Variants in COL2A1 observed in about 807,000 individuals in gnomAD.
COL2A1 encodes collagen type II alpha 1 chain.
Under a neutral mutation model 204.5 loss-of-function variants are expected in COL2A1, and 28 were observed. The observed-to-expected ratio is 0.14, with a 90% CI of 0.10 to 0.19. The LOEUF (loss-of-function observed/expected upper bound fraction) is 0.19. Among genes scored for constraint, COL2A1 ranks in the 10% least tolerant of loss-of-function variants. The probability of loss-of-function intolerance (pLI) is 1.00; values close to 1 mark genes in which losing one functional copy is unlikely to be tolerated. For synonymous variants in COL2A1, 708 were observed against 718.7 expected (o/e 0.99, Z 0.24); for missense variants, 1,388 against 2,027.5 (o/e 0.68, Z 6.06).
Position 47,987,621 on chromosome 12 carries a change from G to A in COL2A1, c.1211C>T (p.Ala404Val). ...EPGTPGSPGPAGASGNPGTDG... is the reference protein window; with the variant it reads ...EPGTPGSPGPVGASGNPGTDG... ...AGAAGCTGCACTTACGGAGGCACCAGCAGGCCCAGGGGACCCAGGAGTACC... is the reference window on the plus strand; with the variant it reads ...AGAAGCTGCACTTACGGAGGCACCAACAGGCCCAGGGGACCCAGGAGTACC... Residue 404 changes from alanine (A) to valine (V), a missense_variant, in exon 19 of 54, where the codon GCT becomes GTT. This residue lies in a region of COL2A1 where 884 missense variants were observed against 1,415.8 expected (regional missense o/e 0.62). Coordinates refer to ENST00000380518, the MANE Select transcript of COL2A1 (RefSeq NM_001844.5). The surrounding 1 kb of genome is among the most constrained non-coding windows in gnomAD (Gnocchi z 4.1). 3.1e-6 allele frequency: 5 copies of A among 1,612,442 alleles called. No individual in the cohort carries two copies. The highest frequency in any genetic ancestry group is 4.2e-6 in the Non-Finnish European group (5 of 1,179,300).
intron 6 of COL2A1, 52 bp from the exon 7 acceptor site, chr12:47,997,759 C>T: frequency 6.2e-7 from 1 of 1,612,138 alleles, no homozygotes; most frequent in South Asian, 1.1e-5. Flanking sequence ...TCTCCAAGAG[C>T]CATCTGTCCC....
intron 16 of COL2A1, 137 bp downstream of exon 16, chr12:47,992,741 G>T (rs1813220541): frequency 3.3e-6 from 3 of 896,716 alleles, no homozygotes; most frequent in Non-Finnish European, 3.6e-6. Context: ...GTTTTGATGG[G>T]CACACTGGGG....
chr12:48,002,156 GC>G (rs1314266446), intron 1 of COL2A1, among the ~76,000 whole-genome samples: 1 of 152,188 alleles, frequency 6.6e-6, no homozygotes, highest in Non-Finnish European at 1.5e-5. Flanking sequence ...CAGCGTTTCA[GC>G]CCCATCTGGA....
chr12:47,973,367 T>C lies in COL2A1; in HGVS notation c.*40A>G. On this transcript the variant is annotated 3_prime_UTR_variant, in exon 54 of 54. Transcript: ENST00000380518. ...GAGATTGGAAAGTACTTGGGTCCTT[T>C]GGGTTTGCAACGGATTGTGTTGTTT... is the stretch of plus-strand genomic sequence containing the variant. 1 of 1,614,126 alleles carries C rather than the reference T, an allele frequency of 6.2e-7. No individual in the cohort carries two copies.
chr12:47,982,550 C>T lies in COL2A1; in HGVS notation c.2253G>A (p.Met751Ile), dbSNP rs978448963. 3 of 1,613,922 alleles carry T rather than the reference C, an allele frequency of 1.9e-6. No individual in the cohort carries two copies. Among genetic ancestry groups the T allele is most frequent in the Non-Finnish European group, 2.5e-6 (3 of 1,179,952 alleles). ...GAQGPPGLQG[M>I]PGERGAAGIA... is the part of the protein sequence containing the mutation. The stretch of plus-strand genomic sequence containing the variant: ...TACCAGCTGCTCCCCTCTCGCCAGG[C>T]ATTCCCTGAAGACCTGGAGGGCCCT... The change falls in exon 34 of 54, where the codon ATG (methionine) becomes ATA (isoleucine). Residue 751 changes from methionine to isoleucine, a missense_variant. Around this residue, in one of 3 missense-constraint regions of COL2A1, gnomAD observed 884 missense variants for 1,415.8 expected, o/e 0.62. Transcript: ENST00000380518.
chr12:47,989,367 C>T (rs2136588264), intron 17 of COL2A1, 86 bp from the exon 18 acceptor site: 1 of 1,071,924 alleles, frequency 9.3e-7, no homozygotes. Context: ...CACTCCTTCC[C>T]TCCTCTGTAC....
intron 9 of COL2A1, 32 bp downstream of exon 9, chr12:47,995,843 C>A: frequency 6.2e-7 from 1 of 1,610,068 alleles, no homozygotes; most frequent in Non-Finnish European, 8.5e-7. Flanking sequence ...ATCTGCGACA[C>A]GATGGAGGCA....
intron 8 of COL2A1, 79 bp downstream of exon 8, chr12:47,996,468 CA>C: frequency 5.3e-6 from 6 of 1,127,264 alleles, no homozygotes; most frequent in Non-Finnish European, 8.2e-6. Context: ...ATCTGTAAAG[CA>C]GAGGTTGTCA....
At chr12:47,997,945 A>C (rs748228759) in intron 5 of COL2A1, 21 bp from the exon 6 acceptor site, 3 of 1,614,070 alleles carry the variant, frequency 1.9e-6, no homozygotes, top group Non-Finnish European at 2.5e-6. Context: ...AGAACATGGT[A>C]AGATGACAGC....
chr12:47,976,563 G>C lies in COL2A1; in HGVS notation c.3440C>G (p.Pro1147Arg). 6.2e-7 allele frequency: 1 copy of C among 1,614,218 alleles called. No individual in the cohort carries two copies. The highest frequency in any genetic ancestry group is 8.5e-7 in the Non-Finnish European group (1 of 1,180,034). ...GLQGLPGPPG[P>R]SGDQGASGPA... ...ACCAGAAGCACCTTGGTCTCCAGAA[G>C]GACCCTGTGTAGAAGGAAGAGGCAA... Residue 1147 changes from proline to arginine, a missense_variant, in exon 49 of 54, where the codon CCT (proline) becomes CGT (arginine). Pro to Arg is a moderately radical substitution (Grantham distance 103, BLOSUM62 -2). Transcript: ENST00000380518. This position sits in a 1 kb window ranked among gnomAD's most constrained non-coding sequence, Gnocchi z 4.3.
chr12:47,980,705 A>G lies in COL2A1; in HGVS notation c.2518-44T>C, dbSNP rs750891497. The G allele has an allele frequency of 4.5e-6, 7 of 1,566,256 alleles. No individual in the cohort carries two copies. In the Admixed American group the frequency reaches 9.0e-5, roughly 20 times the overall value. ...AGCAGGTGAATGAGGGGCAGGCTAA[A>G]ACCCTGGAGCTCTTCCAGAAGAGCA... On this transcript the variant is annotated intron_variant, in intron 38 of 53. Transcript: ENST00000380518. The surrounding 1 kb of genome is among the most constrained non-coding windows in gnomAD (Gnocchi z 4.5).
Position 47,977,000 on chromosome 12 carries a change from C to A in COL2A1, c.3328-81G>T. On this transcript the variant is annotated intron_variant, in intron 47 of 53. Transcript: ENST00000380518. This position sits in a 1 kb window ranked among gnomAD's most constrained non-coding sequence, Gnocchi z 4.3. The stretch of plus-strand genomic sequence containing the variant: ...TCCTGTCCCACCCAAGCTGAGGAAT[C>A]CCCGGAAACACAGGGCTGGAGGCCC... The A allele has an allele frequency of 6.5e-7, 1 of 1,536,296 alleles. No homozygotes were observed. Among genetic ancestry groups the A allele is most frequent in the East Asian group, 2.3e-5 (1 of 42,568 alleles).
intron 2 of COL2A1, chr12:47,999,581 G>A (rs1040250722): frequency 2.3e-5 from 7 of 299,354 alleles, no homozygotes; most frequent in Admixed American, 9.8e-5. Flanking sequence ...GCCAGACAGA[G>A]CATTTGATCT....
At chr12:47,995,012 C>T (rs1939885071) in intron 11 of COL2A1, among the ~76,000 whole-genome samples, 1 of 152,066 alleles carries the variant, frequency 6.6e-6, no homozygotes, top group Non-Finnish European at 1.5e-5. Flanking sequence ...ATTTCCCTTC[C>T]TGGGGCTAAT....
rs1453327800 is a variant in COL2A1 at position 47,987,404 on chromosome 12, G to C, written c.1222-91C>G. The C allele has an allele frequency of 7.2e-7, 1 of 1,384,672 alleles. No homozygotes were observed. 85.8% of individuals were successfully genotyped at this position (1,384,672 alleles called of 1,614,324 possible). A position where few individuals can be genotyped will look rare whatever the true frequency, so the allele number is the denominator to read the frequency against. The stretch of plus-strand genomic sequence containing the variant: ...GATCCAGATCCAGGGACCTGGCATA[G>C]GTGCTGTCCATTTCAGGGACATTCC... On this transcript the variant is annotated intron_variant, in intron 19 of 53. Transcript: ENST00000380518. The surrounding 1 kb of genome is among the most constrained non-coding windows in gnomAD (Gnocchi z 4.1).
chr12:47,997,676 T>A lies in COL2A1; in HGVS notation c.461A>T (p.Glu154Val). Residue 154 changes from glutamate (E) to valine (V), a missense_variant, in exon 7 of 54, where the codon GAA (glutamate) becomes GTA (valine). Transcript: ENST00000380518. ...GAPGPRGRDG[E>V]PGTPGNPGPP... ...GCCAGGATTTCCAGGGGTCCCAGGT[T>A]CTCCATCTCTGCCACGAGGTCCAGG... 6.2e-7 allele frequency: 1 copy of A among 1,613,700 alleles called. No individual in the cohort carries two copies. The highest frequency in any genetic ancestry group is 1.3e-5 in the African/African-American group (1 of 74,872).
intron 52 of COL2A1, 53 bp downstream of exon 52, chr12:47,974,622 A>G (rs966421846): frequency 9.5e-5 from 151 of 1,586,786 alleles, no homozygotes; most frequent in Non-Finnish European, 1.2e-4. Context: ...GAAAGAAAAG[A>G]AAGAGTTTGA....
intron 4 of COL2A1, 22 bp from the exon 5 acceptor site, chr12:47,998,086 G>A (rs761291763): frequency 6.2e-7 from 1 of 1,614,196 alleles, no homozygotes; most frequent in South Asian, 1.1e-5. Flanking sequence ...AGCCCCACAG[G>A]ATGGTAAGTT....
rs1360841072 is a variant in COL2A1 at position 47,976,642 on chromosome 12, A to G, written c.3436-75T>C. ...TCTATATTCTGGGAGCTGGGGGAAC[A>G]GCTTTATGTCCCAGCCCCATTCCCT... On this transcript the variant is annotated intron_variant, in intron 48 of 53. Transcript: ENST00000380518. This position sits in a 1 kb window ranked among gnomAD's most constrained non-coding sequence, Gnocchi z 4.3. 2 of 1,513,196 alleles carry G rather than the reference A, an allele frequency of 1.3e-6. No homozygotes were observed. The highest frequency in any genetic ancestry group is 4.5e-5 in the East Asian group (2 of 44,080). The allele number at this position is 1,513,196 out of a possible 1,614,324, so 93.7% of individuals were successfully genotyped here.
Sources: allele counts gnomAD v4.1 joint callset (sites outside exome capture counted in the v4.1 genomes callset), GRCh38; gene constraint gnomAD v4.1.1; regional missense constraint gnomAD v4.1.1; non-coding constraint Gnocchi (gnomAD v3.1); transcripts MANE v1.5; gene names NCBI Gene and HGNC (gene_info 2026-07-23, HGNC 2026-07-21).